The following SH3RF2 variants were observed in gnomAD, a reference collection of about 807,000 sequenced individuals.
The protein encoded by SH3RF2 is SH3 domain containing ring finger 2.
SH3RF2 carries 43 observed loss-of-function variants against 59.0 expected under a neutral mutation model. The observed-to-expected ratio is 0.73, with a 90% confidence interval of 0.57 to 0.94. The LOEUF is 0.94. SH3RF2 is among the 40% of genes least tolerant of loss of function. SH3RF2 has a pLI of 0.00. For synonymous variants in SH3RF2, 391 were observed against 391.5 expected (o/e 1.00, Z 0.01); for missense variants, 930 against 940.1 (o/e 0.99, Z 0.14).
intron 5 of SH3RF2, among the ~76,000 whole-genome samples, chr5:146,019,759 G>A (rs1219965466): frequency 6.6e-6 from 1 of 152,034 alleles, no homozygotes; most frequent in African/African-American, 2.4e-5. Flanking sequence ...ATTTGTTTGT[G>A]TCATTTATTA....
intron 7 of SH3RF2, among the ~76,000 whole-genome samples, chr5:146,049,527 CAG>C (rs1762420211): frequency 6.6e-6 from 1 of 152,112 alleles, no homozygotes; most frequent in African/African-American, 2.4e-5. Flanking sequence ...AAATGGTGTG[CAG>C]AGTTAAGCAA....
At chr5:146,053,529 C>T (rs141045508) in intron 7 of SH3RF2, among the ~76,000 whole-genome samples, 58 of 151,098 alleles carry the variant, frequency 3.8e-4, no homozygotes, top group African/African-American at 1.4e-3. Context: ...TATGACATTC[C>T]CTCTTGGGAT....
intron 5 of SH3RF2, among the ~76,000 whole-genome samples, chr5:146,022,601 C>A (rs1195013595): frequency 1.3e-5 from 2 of 152,192 alleles, no homozygotes; most frequent in East Asian, 3.9e-4. Context: ...AGGCCAGGCA[C>A]GGTGGCTCAT....
intron 4 of SH3RF2, among the ~76,000 whole-genome samples, chr5:146,011,644 T>G (rs1442085725): frequency 6.6e-6 from 1 of 152,188 alleles, no homozygotes; most frequent in East Asian, 1.9e-4. Flanking sequence ...TTGAAGCAAT[T>G]GTGAATGGGA....
intron 4 of SH3RF2, among the ~76,000 whole-genome samples, chr5:146,008,053 T>C (rs571718332): frequency 6.6e-6 from 1 of 152,240 alleles, no homozygotes; most frequent in Non-Finnish European, 1.5e-5. Flanking sequence ...AGGATTTTTC[T>C]TGTTAATGTA....
intron 5 of SH3RF2, among the ~76,000 whole-genome samples, chr5:146,027,566 A>G (rs140440450): frequency 6.6e-6 from 1 of 152,220 alleles, no homozygotes; most frequent in African/African-American, 2.4e-5. Context: ...TAAACAAATT[A>G]TTAACATACT....
intron 2 of SH3RF2, among the ~76,000 whole-genome samples, chr5:145,993,881 G>T (rs912764557): frequency 3.3e-5 from 5 of 152,228 alleles, no homozygotes; most frequent in African/African-American, 4.8e-5. Flanking sequence ...TCTGCAGCCT[G>T]CAGCGGGCTT....
chr5:145,977,400 A>C (rs976469519), intron 2 of SH3RF2, among the ~76,000 whole-genome samples: 4 of 152,210 alleles, frequency 2.6e-5, no homozygotes, highest in Non-Finnish European at 5.9e-5. Flanking sequence ...GTACCTATTG[A>C]GTACTTACTG....
At chr5:146,075,344 C>A (rs796693735) in intron 9 of SH3RF2, among the ~76,000 whole-genome samples, 34 of 152,276 alleles carry the variant, frequency 2.2e-4, no homozygotes, top group African/African-American at 8.2e-4. Context: ...AAAATTCCCA[C>A]AAACAGATAA....
rs1762734856 is a variant in SH3RF2, at chr5:146,057,964, C to CTA, written c.1555+1752_1555+1753insAT. Among the ~76,000 whole-genome samples the CTA allele has an allele frequency of 1.0e-4, 8 of 78,398 alleles. 1 individual carries two copies. The highest frequency in any genetic ancestry group is 3.3e-4 in the South Asian group (1 of 2,998). 51.4% of individuals were successfully genotyped at this position (78,398 alleles called of 152,430 possible). On this transcript the variant is annotated intron_variant, in intron 8 of 9. Coordinates refer to ENST00000359120, the MANE Select transcript of SH3RF2 (RefSeq NM_152550.4). ...TCTCTCTCTCTCTCTCTCTCTCTCT[C>CTA]TCTCTATCTATCTATCTATCTATAT... is the stretch of plus-strand genomic sequence containing the variant.
At chr5:146,064,686 GAAAGAAAGAAAGAAAGAAAGAAA>G (rs1763019266), downstream of SH3RF2, among the ~76,000 whole-genome samples, 3 of 3,810 alleles carry the variant, frequency 7.9e-4, 1 homozygote, top group African/African-American at 1.7e-3. Context: ...AAGAAAGAAA[GAAAGAAAGAAAGAAAGAAAGAAA>G]GAAAGAAAGA....
At chr5:145,996,438 AC>A (rs1280093463) in intron 2 of SH3RF2, among the ~76,000 whole-genome samples, 1 of 152,236 alleles carries the variant, frequency 6.6e-6, no homozygotes, top group Non-Finnish European at 1.5e-5. Flanking sequence ...TGTGAAAAAA[AC>A]AATTTCAATT....
rs1318832296 is a variant in SH3RF2 at position 146,061,163 on chromosome 5, T to A, written c.1914+939T>A. ...TGAGTACTTCATGTGTCCCATATAT[T>A]TAATCCTGACAACAACCCTCTCAAA... On this transcript the variant is annotated intron_variant, in intron 9 of 9. Transcript: ENST00000359120. Among the ~76,000 whole-genome samples the A allele has an allele frequency of 3.3e-5, 5 of 152,182 alleles. 1 individual carries two copies. Among genetic ancestry groups the A allele is most frequent in the African/African-American group, 1.2e-4 (5 of 41,452 alleles).
chr5:146,037,809 A>C (rs891856338), intron 5 of SH3RF2, among the ~76,000 whole-genome samples: 9 of 152,204 alleles, frequency 5.9e-5, no homozygotes, highest in Admixed American at 3.9e-4. Context: ...ATGGAAGAAA[A>C]CTTTCCCCGA....
exon 10 of SH3RF2, chr5:146,078,614 T>C (rs1302156663): frequency 6.6e-6 from 1 of 152,196 alleles, no homozygotes; most frequent in Non-Finnish European, 1.5e-5. Context: ...ACCAATAGTC[T>C]GGCCTCCAAG....
chr5:146,081,501 C>T (rs1028804517), exon 10 of SH3RF2: 4 of 152,156 alleles, frequency 2.6e-5, no homozygotes, highest in African/African-American at 9.7e-5. Context: ...GCTAAATTTG[C>T]TCTTTACCGC....
intron 5 of SH3RF2, among the ~76,000 whole-genome samples, chr5:146,015,631 A>T (rs1761075913): frequency 6.6e-6 from 1 of 152,250 alleles, no homozygotes; most frequent in South Asian, 2.1e-4. Context: ...TTCGCAAAAG[A>T]TTTAACCAAG....
In SH3RF2 at chr5:146,000,999, CTTG is replaced by C. The variant is rs774868415; in HGVS notation, c.648+677_648+679del. Among the ~76,000 whole-genome samples, 45 of 152,342 alleles carry C rather than the reference CTTG, an allele frequency of 3.0e-4. No homozygotes were observed. In the Middle Eastern group the frequency reaches 0.01, roughly 35 times the overall value. The stretch of plus-strand genomic sequence containing the variant: ...CTAATTCTACTCATTTACATTCTAT[CTTG>C]TTGTAAACATCTCATTCAAAACACT... On this transcript the variant is annotated intron_variant, in intron 3 of 9. Transcript: ENST00000359120.
intron 2 of SH3RF2, among the ~76,000 whole-genome samples, chr5:145,938,541 T>C (rs1757690042): frequency 6.6e-6 from 1 of 152,232 alleles, no homozygotes; most frequent in African/African-American, 2.4e-5. Context: ...TCTCCTTTCC[T>C]CTAGTCCAGA....
Sources: gnomAD v4.1 joint callset for allele counts (sites outside exome capture counted in the v4.1 genomes callset) on GRCh38, gnomAD v4.1.1 for gene constraint, MANE v1.5 for transcripts, NCBI Gene and HGNC (gene_info 2026-07-23, HGNC 2026-07-21) for gene names.